NHS: variants seen among roughly 807,000 people sequenced by gnomAD.
NHS encodes the protein actin remodeling regulator NHS.
NHS carries 5 observed loss-of-function variants against 72.5 expected under a neutral mutation model. The observed-to-expected ratio is 0.07, with a 90% CI of 0.04 to 0.14. The LOEUF (loss-of-function observed/expected upper bound fraction) is 0.14, where lower values mean the gene tolerates loss of function less well. NHS is among the 10% of genes least tolerant of loss of function. The pLI, the probability that NHS is intolerant of heterozygous loss-of-function variation, is 1.00. For synonymous variants in NHS, 464 were observed against 547.7 expected, an observed-to-expected ratio of 0.85 and a Z score of 2.13; for missense variants, 1,072 against 1,355.7, an observed-to-expected ratio of 0.79 and a Z score of 3.29.
At chrX:17,501,458 C>T (rs1332684500) in intron 1 of NHS, among the ~76,000 whole-genome samples, 1 of 109,981 alleles carries the variant, frequency 9.1e-6, no homozygotes, top group Admixed American at 9.7e-5. Context: ...GGGTGGGGCC[C>T]GCACAGTGGC....
chrX:17,656,440 C>T (rs893905278), intron 1 of NHS, among the ~76,000 whole-genome samples: 3 of 111,889 alleles, frequency 2.7e-5, no homozygotes, highest in African/African-American at 9.8e-5. Context: ...TCTCGCACCT[C>T]TGGGTGCTGG....
chrX:17,725,774 C>T lies in NHS; in HGVS notation c.1668C>T (p.Asp556=). The change falls in exon 7 of 9, where the codon GAC becomes GAT. Residue 556 remains aspartate (D), a synonymous_variant. Transcript: ENST00000676302. ...CTCCAAGCAGCCCGAGTGCCCAGGACCACCAGCCTACTTTGGGCCTGGCCT... is the reference window on the plus strand; with the variant it reads ...CTCCAAGCAGCCCGAGTGCCCAGGATCACCAGCCTACTTTGGGCCTGGCCT... ...SEAPSSPSAQ[D]HQPTLGLACS... is the part of the protein sequence containing the mutation. 8.3e-7 allele frequency: 1 copy of T among 1,211,623 alleles called. No homozygotes were observed. Among genetic ancestry groups the T allele is most frequent in the South Asian group, 1.8e-5 (1 of 56,968 alleles).
rs1341941100 is a variant in NHS at position 17,469,592 on chromosome X, T to C, written c.565+93270T>C. Among the ~76,000 whole-genome samples the C allele has an allele frequency of 2.7e-5, 3 of 111,922 alleles. No homozygotes were observed. The Admixed American group carries it at 2.8e-4, about 11-fold the overall frequency. ...CCAGAGCAATGCCCCCTTCATCTGATTCATAGACAGTGGTGAAATTACAAA... is the reference window on the plus strand; with the variant it reads ...CCAGAGCAATGCCCCCTTCATCTGACTCATAGACAGTGGTGAAATTACAAA... On this transcript the variant is annotated intron_variant, in intron 1 of 8. Transcript: ENST00000676302.
chrX:17,607,418 G>A (rs1332247671), intron 1 of NHS, among the ~76,000 whole-genome samples: 2 of 111,490 alleles, frequency 1.8e-5, no homozygotes, highest in Non-Finnish European at 3.8e-5. Flanking sequence ...TGTATGTCCT[G>A]GTCAGATTCT....
chrX:17,566,470 A>G (rs1368928657), intron 1 of NHS, among the ~76,000 whole-genome samples: 1 of 111,821 alleles, frequency 8.9e-6, no homozygotes, highest in Non-Finnish European at 1.9e-5. Flanking sequence ...TGAGAAGAGA[A>G]ATTCTGTCTG....
chrX:17,462,318 A>G (rs2064851182), intron 1 of NHS, among the ~76,000 whole-genome samples: 1 of 111,246 alleles, frequency 9.0e-6, no homozygotes, highest in South Asian at 3.8e-4. Flanking sequence ...AGCTCTGAGA[A>G]GTGAAGTAAA....
rs138590224 is a variant in NHS, at chrX:17,697,771, A to C, written c.852+5303A>C. 8.5e-3 allele frequency among the ~76,000 whole-genome samples: 953 copies of C among 111,773 alleles called. 14 individuals carry two copies. The highest frequency in any genetic ancestry group is 0.029 in the African/African-American group (901 of 30,799). ...CTAAAAATGAGAGAAGGGAGAGGTA[A>C]AGAAGAAAATAGAATAAGCTAATTG... is the stretch of plus-strand genomic sequence containing the variant. On this transcript the variant is annotated intron_variant, in intron 3 of 8. Transcript: ENST00000676302.
chrX:17,518,850 ACT>A (rs751646826), intron 1 of NHS, among the ~76,000 whole-genome samples: 1 of 111,245 alleles, frequency 9.0e-6, no homozygotes, highest in Non-Finnish European at 1.9e-5. Context: ...TCTAACGCAA[ACT>A]CTGAGAACCT....
At chrX:17,439,391 A>T (rs2146881372) in intron 1 of NHS, among the ~76,000 whole-genome samples, 1 of 111,637 alleles carries the variant, frequency 9.0e-6, no homozygotes, top group East Asian at 2.8e-4. Flanking sequence ...TCCTAATAGC[A>T]TCACCTTCTT....
intron 1 of NHS, among the ~76,000 whole-genome samples, chrX:17,544,632 C>T (rs888077889): frequency 8.9e-6 from 1 of 111,764 alleles, no homozygotes; most frequent in African/African-American, 3.3e-5. Flanking sequence ...CCTGCCTCAG[C>T]CTCCTGAGTA....
rs1364584232 is a variant in NHS at position 17,375,532 on chromosome X, C to T, written c.-226C>T. 1.7e-5 allele frequency: 7 copies of T among 413,522 alleles called. No homozygotes were observed. Among genetic ancestry groups the T allele is most frequent in the Admixed American group, 8.6e-5 (2 of 23,347 alleles). 34.1% of individuals were successfully genotyped at this position (413,522 alleles called of 1,213,427 possible). On this transcript the variant is annotated 5_prime_UTR_variant, in exon 1 of 9. Transcript: ENST00000676302. ...ATTTCTGTGCGGAGCGCTTGTCATCCTCCCCAGGGAACGGTGCACCCAAAG... is the reference window on the plus strand; with the variant it reads ...ATTTCTGTGCGGAGCGCTTGTCATCTTCCCCAGGGAACGGTGCACCCAAAG...
At chrX:17,577,957 A>G (rs1227226858) in intron 1 of NHS, among the ~76,000 whole-genome samples, 1 of 112,369 alleles carries the variant, frequency 8.9e-6, no homozygotes, top group Non-Finnish European at 1.9e-5. Flanking sequence ...AATAGAACAT[A>G]TATGCCCTGA....
chrX:17,720,639 T>G (rs1402937525), intron 4 of NHS, among the ~76,000 whole-genome samples: 3 of 112,405 alleles, frequency 2.7e-5, no homozygotes, highest in Non-Finnish European at 5.6e-5. Context: ...ATCAAAAGTT[T>G]GGATGGAGAA....
At chrX:17,655,597 G>A (rs1321028314) in intron 1 of NHS, among the ~76,000 whole-genome samples, 2 of 112,665 alleles carry the variant, frequency 1.8e-5, no homozygotes, top group Non-Finnish European at 3.8e-5. Flanking sequence ...GCAGAGCCAG[G>A]CGGCTGTCCG....
At chrX:17,550,646 G>T (rs1160894170) in intron 1 of NHS, among the ~76,000 whole-genome samples, 1 of 112,009 alleles carries the variant, frequency 8.9e-6, no homozygotes, top group African/African-American at 3.2e-5. Flanking sequence ...GGACACCCAA[G>T]CCACTGTTGC....
intron 1 of NHS, among the ~76,000 whole-genome samples, chrX:17,465,878 A>G (rs2064868893): frequency 2.7e-5 from 3 of 112,540 alleles, no homozygotes; most frequent in Non-Finnish European, 5.6e-5. Flanking sequence ...TCACCCAGCG[A>G]CACCCTCCTT....
At chrX:17,577,135 T>C (rs2065516931) in intron 1 of NHS, among the ~76,000 whole-genome samples, 1 of 111,854 alleles carries the variant, frequency 8.9e-6, no homozygotes, top group Non-Finnish European at 1.9e-5. Flanking sequence ...CCATTGTTTC[T>C]TCTTTTAACA....
intron 1 of NHS, among the ~76,000 whole-genome samples, chrX:17,588,293 G>T (rs1485344680): frequency 8.9e-6 from 1 of 111,773 alleles, no homozygotes; most frequent in African/African-American, 3.3e-5. Context: ...CAGGGTTGGG[G>T]AGAGGGTGCC....
chrX:17,527,466 G>A (rs1295142978), intron 1 of NHS, among the ~76,000 whole-genome samples: 1 of 112,923 alleles, frequency 8.9e-6, no homozygotes, highest in Non-Finnish European at 1.9e-5. Context: ...AGCTGGGGAA[G>A]GAAACTTTCT....
Sources: gnomAD v4.1 joint callset for allele counts (sites outside exome capture counted in the v4.1 genomes callset) on GRCh38, gnomAD v4.1.1 for gene constraint, MANE v1.5 for transcripts, NCBI Gene and HGNC (gene_info 2026-07-23, HGNC 2026-07-21) for gene names.